The following CLVS1 variants were observed in gnomAD, a reference collection of about 807,000 sequenced individuals.
The protein encoded by CLVS1 is clavesin-1.
A neutral mutation model predicts 33.1 loss-of-function variants in CLVS1; 10 were observed. The observed-to-expected ratio is 0.30, with a 90% confidence interval of 0.19 to 0.51. CLVS1 has a LOEUF of 0.51. CLVS1 is among the 20% of genes least tolerant of loss of function. The pLI is 0.97. For synonymous variants in CLVS1, 163 were observed against 166.1 expected (o/e 0.98, Z 0.14); for missense variants, 343 against 433.4 (o/e 0.79, Z 1.85).
intron 3 of CLVS1, among the ~76,000 whole-genome samples, chr8:61,389,885 AATT>A (rs766718521): frequency 2.0e-5 from 3 of 152,244 alleles, no homozygotes; most frequent in Non-Finnish European, 4.4e-5. Context: ...AAGCTCCAGA[AATT>A]ATTAATACTA....
At chr8:61,351,585 C>G in intron 2 of CLVS1, among the ~76,000 whole-genome samples, 1 of 151,942 alleles carries the variant, frequency 6.6e-6, no homozygotes, top group East Asian at 1.9e-4. Flanking sequence ...ACTTACAGAT[C>G]CCAAAAGTTG....
At chr8:61,023,450 C>A in the CLVS1 span, among the ~76,000 whole-genome samples, 1 of 152,200 alleles carries the variant, frequency 6.6e-6, no homozygotes, top group East Asian at 1.9e-4. Context: ...AACCTAAATG[C>A]CCTGCCATGC....
At chr8:61,219,998 TG>T (rs1443123535) in intron 2 of CLVS1, among the ~76,000 whole-genome samples, 4 of 152,228 alleles carry the variant, frequency 2.6e-5, no homozygotes, top group African/African-American at 9.6e-5. Context: ...TGGGATTGTT[TG>T]TTTTTTTCTT....
At chr8:61,033,917 A>G in the CLVS1 span, among the ~76,000 whole-genome samples, 1 of 152,212 alleles carries the variant, frequency 6.6e-6, no homozygotes, top group East Asian at 1.9e-4. Context: ...GTGAATAACC[A>G]TGGTCTTAGA....
intron 2 of CLVS1, among the ~76,000 whole-genome samples, chr8:61,156,790 G>T (rs1563424395): frequency 6.6e-6 from 1 of 152,116 alleles, no homozygotes. Flanking sequence ...GGGGAAATAG[G>T]AAAATAAAAA....
At chr8:61,143,761 A>C (rs1313891584) in intron 2 of CLVS1, among the ~76,000 whole-genome samples, 2 of 135,944 alleles carry the variant, frequency 1.5e-5, no homozygotes, top group Non-Finnish European at 3.1e-5. Context: ...TAATATGAAT[A>C]TATTATATAT....
At chr8:61,438,723 G>C (rs1370580144) in intron 3 of CLVS1, among the ~76,000 whole-genome samples, 1 of 152,138 alleles carries the variant, frequency 6.6e-6, no homozygotes, top group Non-Finnish European at 1.5e-5. Context: ...TTGCCATTCT[G>C]ACTGACATGA....
intron 1 of CLVS1, among the ~76,000 whole-genome samples, chr8:61,076,625 G>A (rs1022479347): frequency 3.9e-5 from 6 of 152,174 alleles, no homozygotes; most frequent in Non-Finnish European, 5.9e-5. Flanking sequence ...ATTATCTACA[G>A]CCTAAGCATT....
the CLVS1 span, among the ~76,000 whole-genome samples, chr8:60,981,875 C>T: frequency 3.2e-4 from 48 of 152,294 alleles, no homozygotes; most frequent in African/African-American, 1.0e-3. Flanking sequence ...GCAGGAGGCG[C>T]GACGAATTAG....
intron 2 of CLVS1, among the ~76,000 whole-genome samples, chr8:61,230,379 G>A (rs748819351): frequency 1.5e-4 from 23 of 152,186 alleles, no homozygotes; most frequent in African/African-American, 4.3e-4. Context: ...TACTGGGCCC[G>A]TGACTAACCT....
chr8:61,233,870 C>T (rs1351027868), intron 2 of CLVS1, among the ~76,000 whole-genome samples: 2 of 152,264 alleles, frequency 1.3e-5, no homozygotes, highest in African/African-American at 4.8e-5. Flanking sequence ...CCAGGCTGAC[C>T]TCATCCCGGG....
intron 2 of CLVS1, among the ~76,000 whole-genome samples, chr8:61,309,277 C>A (rs10092878): frequency 6.6e-6 from 1 of 152,122 alleles, no homozygotes; most frequent in Admixed American, 6.6e-5. Flanking sequence ...AGGCTTGTTA[C>A]GCTTTAATGG....
intron 1 of CLVS1, among the ~76,000 whole-genome samples, chr8:61,121,169 G>A (rs578007190): frequency 5.9e-5 from 9 of 152,012 alleles, no homozygotes; most frequent in East Asian, 3.9e-4. Flanking sequence ...TCTTTGACTC[G>A]GAAAGGGAAC....
rs73253167 is a variant in CLVS1 at position 61,302,259 on chromosome 8, T to C, written c.455+1977T>C. On this transcript the variant is annotated intron_variant, in intron 2 of 5. Coordinates refer to ENST00000325897, the MANE Select transcript of CLVS1 (RefSeq NM_173519.3). ...CTGGGCTACCTTTCCGTGTTTCTAC[T>C]CTGTTATTCTGTAATGATATGGAAT... is the stretch of plus-strand genomic sequence containing the variant. Among the ~76,000 whole-genome samples, 1,473 of 152,342 alleles carry C rather than the reference T, an allele frequency of 9.7e-3. 25 individuals carry two copies. Among genetic ancestry groups the C allele is most frequent in the African/African-American group, 0.033 (1,380 of 41,584 alleles).
chr8:61,102,757 AT>A (rs1448492725), intron 1 of CLVS1, among the ~76,000 whole-genome samples: 1 of 152,226 alleles, frequency 6.6e-6, no homozygotes, highest in South Asian at 2.1e-4. Flanking sequence ...GGCAAAACTT[AT>A]GAATATAGGA....
At chr8:61,244,286 A>G (rs1284562454) in intron 2 of CLVS1, among the ~76,000 whole-genome samples, 1 of 152,106 alleles carries the variant, frequency 6.6e-6, no homozygotes, top group East Asian at 1.9e-4. Context: ...TCCCAAATAT[A>G]TGGGATTAAT....
intron 2 of CLVS1, among the ~76,000 whole-genome samples, chr8:61,153,942 T>C (rs1202097905): frequency 2.0e-5 from 3 of 152,172 alleles, no homozygotes; most frequent in Non-Finnish European, 4.4e-5. Context: ...AACTTGTCCT[T>C]TCCAAGTCCT....
chr8:61,289,028 A>G (rs528410863), intron 1 of CLVS1, among the ~76,000 whole-genome samples: 4 of 152,294 alleles, frequency 2.6e-5, no homozygotes, highest in African/African-American at 7.2e-5. Context: ...TTTCATTTCT[A>G]TTTTCCAATC....
intron 3 of CLVS1, among the ~76,000 whole-genome samples, chr8:61,406,274 G>A (rs1456083954): frequency 3.3e-5 from 5 of 152,208 alleles, no homozygotes; most frequent in Middle Eastern, 3.4e-3. Flanking sequence ...CATTCCTCAC[G>A]TAAACTCCAA....
Sources: allele counts gnomAD v4.1 joint callset (sites outside exome capture counted in the v4.1 genomes callset), GRCh38; gene constraint gnomAD v4.1.1; transcripts MANE v1.5; gene names NCBI Gene and HGNC (gene_info 2026-07-23, HGNC 2026-07-21).